Variants in GLDC observed in about 807,000 individuals in gnomAD.
The protein encoded by GLDC is glycine decarboxylase.
A neutral mutation model predicts 121.3 loss-of-function variants in GLDC; 104 were observed. That is an observed-to-expected ratio of 0.86 (90% CI 0.73 to 1.01). The LOEUF is 1.01. GLDC is among the 50% of genes least tolerant of loss of function. The pLI is 0.00. For synonymous variants in GLDC, 546 were observed against 480.6 expected, an observed-to-expected ratio of 1.14 and a Z score of -1.78; for missense variants, 1,429 against 1,306.6, an observed-to-expected ratio of 1.09 and a Z score of -1.44.
In GLDC at chr9:6,555,243, G is replaced by A. The variant is rs1029238907; in HGVS notation, c.2203-462C>T. On this transcript the variant is annotated intron_variant, in intron 18 of 24. Transcript: ENST00000321612. ...CACAGTGATGGAAGGGGCTGCGGGG[G>A]CACCAGGGAGGAGGCTGAACTGAGA... 2.6e-5 allele frequency among the ~76,000 whole-genome samples: 4 copies of A among 152,152 alleles called. No homozygotes were observed. The South Asian group carries it at 8.3e-4, about 32-fold the overall frequency.
At chr9:6,533,806 C>T (rs1459372174) in intron 24 of GLDC, among the ~76,000 whole-genome samples, 3 of 149,404 alleles carry the variant, frequency 2.0e-5, no homozygotes, top group Non-Finnish European at 4.4e-5. Flanking sequence ...TGTGGTGAGC[C>T]GAGATGGTGC....
rs1275195194 is a variant in GLDC at position 6,604,792 on chromosome 9, G to A, written c.862-8C>T. On this transcript the variant is annotated splice_region_variant and splice_polypyrimidine_tract_variant and intron_variant, in intron 6 of 24. Coordinates refer to ENST00000321612, the MANE Select transcript of GLDC (RefSeq NM_000170.3). ...AGCACAGCAGGCCAGGCTCTAGAAA[G>A]GAAGTGAGAGAAAAGGAACAAGGTT... The A allele has an allele frequency of 1.9e-6, 3 of 1,611,512 alleles. No individual in the cohort carries two copies. The highest frequency in any genetic ancestry group is 1.3e-5 in the African/African-American group (1 of 74,886).
chr9:6,547,430 G>T (rs936849778), intron 21 of GLDC, among the ~76,000 whole-genome samples: 7 of 152,048 alleles, frequency 4.6e-5, no homozygotes. Context: ...TATCAAATTG[G>T]CCATGATATA....
chr9:6,622,984 G>T lies in GLDC; in HGVS notation c.335-2665C>A, dbSNP rs1006188888. ...CTCCGCCCGGCAGCCACCCCGTCCG[G>T]GAGGGAGGTGGGGGGTCAGCCCCTG... On this transcript the variant is annotated intron_variant, in intron 2 of 24. Coordinates refer to ENST00000321612, the MANE Select transcript of GLDC (RefSeq NM_000170.3). 7.4e-4 allele frequency: 141 copies of T among 189,690 alleles called. 2 individuals carry two copies. The Middle Eastern group carries it at 8.0e-3, about 11-fold the overall frequency. The allele number at this position is 189,690 out of a possible 1,614,324, so 11.8% of individuals were successfully genotyped here.
At chr9:6,536,344 A>T in intron 22 of GLDC, 108 bp from the exon 23 acceptor site, 1 of 986,928 alleles carries the variant, frequency 1.0e-6, no homozygotes, top group East Asian at 2.6e-5. Flanking sequence ...AAATCATCAG[A>T]TACATTTGCA....
intron 18 of GLDC, among the ~76,000 whole-genome samples, chr9:6,555,388 T>C (rs1279053403): frequency 6.6e-6 from 1 of 152,068 alleles, no homozygotes; most frequent in Non-Finnish European, 1.5e-5. Flanking sequence ...AGGTACAGAA[T>C]TCATTTATGC....
intron 8 of GLDC, among the ~76,000 whole-genome samples, chr9:6,599,108 C>T (rs1041325150): frequency 4.6e-5 from 7 of 150,698 alleles, no homozygotes; most frequent in Admixed American, 1.3e-4. Flanking sequence ...CGCTTGAACC[C>T]GGAAGACGGA....
intron 8 of GLDC, 58 bp downstream of exon 8, chr9:6,602,039 ATGAATGAATGAG>A (rs1335917629): frequency 1.1e-6 from 1 of 935,480 alleles, no homozygotes; most frequent in African/African-American, 1.6e-5. Context: ...GAACAAATGA[ATGAATGAATGAG>A]TAGCTCATTT....
intron 16 of GLDC, among the ~76,000 whole-genome samples, chr9:6,561,692 C>T (rs1323817977): frequency 2.6e-5 from 4 of 152,032 alleles, no homozygotes; most frequent in Admixed American, 1.3e-4. Context: ...GGAAGTAACA[C>T]GACCCAGATT....
At chr9:6,544,350 A>C (rs1344905380) in intron 21 of GLDC, among the ~76,000 whole-genome samples, 1 of 152,150 alleles carries the variant, frequency 6.6e-6, no homozygotes, top group Non-Finnish European at 1.5e-5. Context: ...GCCACCTGGA[A>C]ACCTCCGCAG....
At chr9:6,622,390 C>T (rs957102769) in intron 2 of GLDC, among the ~76,000 whole-genome samples, 2 of 149,320 alleles carry the variant, frequency 1.3e-5, no homozygotes, top group African/African-American at 5.0e-5. Flanking sequence ...TGCAGGCACG[C>T]GCCGCCACGC....
chr9:6,610,631 C>A (rs149246706), intron 3 of GLDC, among the ~76,000 whole-genome samples: 1 of 152,116 alleles, frequency 6.6e-6, no homozygotes, highest in African/African-American at 2.4e-5. Flanking sequence ...GACAGGGTCT[C>A]GCTCTGTCAC....
At chr9:6,546,479 C>T (rs1817391532) in intron 21 of GLDC, among the ~76,000 whole-genome samples, 1 of 151,292 alleles carries the variant, frequency 6.6e-6, no homozygotes. Flanking sequence ...GGATTGCAGG[C>T]ATGAGCCACA....
At chr9:6,622,159 GACACACAC>G (rs60752054) in intron 2 of GLDC, among the ~76,000 whole-genome samples, 5,339 of 145,410 alleles carry the variant, frequency 0.037, 284 homozygotes, top group African/African-American at 0.12. Flanking sequence ...CACACACACA[GACACACAC>G]ACACACACAC....
At chr9:6,608,709 G>A (rs1004226657) in intron 4 of GLDC, among the ~76,000 whole-genome samples, 2 of 152,104 alleles carry the variant, frequency 1.3e-5, no homozygotes, top group African/African-American at 4.8e-5. Flanking sequence ...TCACGCCACT[G>A]TACTCCAGCC....
chr9:6,622,582 C>T (rs565785096), intron 2 of GLDC, among the ~76,000 whole-genome samples: 265 of 152,216 alleles, frequency 1.7e-3, no homozygotes, highest in African/African-American at 5.9e-3. Context: ...GGCGTGATCT[C>T]GGCTCGCTAC....
intron 2 of GLDC, among the ~76,000 whole-genome samples, chr9:6,638,739 G>A (rs760759488): frequency 6.6e-6 from 1 of 152,066 alleles, no homozygotes; most frequent in Non-Finnish European, 1.5e-5. Context: ...CACTGGGCAC[G>A]GTGGCTCCCG....
intron 3 of GLDC, among the ~76,000 whole-genome samples, chr9:6,619,815 A>C (rs1425861723): frequency 6.6e-6 from 1 of 152,222 alleles, no homozygotes; most frequent in Non-Finnish European, 1.5e-5. Context: ...GAGATAGCTC[A>C]GAAGTAGCCT....
intron 14 of GLDC, 50 bp from the exon 15 acceptor site, chr9:6,587,333 A>G (rs1201904267): frequency 2.3e-6 from 3 of 1,307,390 alleles, no homozygotes; most frequent in African/African-American, 1.5e-5. Context: ...TAATAGCAAT[A>G]GCAATAATAA....
Sources: gnomAD v4.1 joint callset for allele counts (sites outside exome capture counted in the v4.1 genomes callset) on GRCh38, gnomAD v4.1.1 for gene constraint, MANE v1.5 for transcripts, NCBI Gene and HGNC (gene_info 2026-07-23, HGNC 2026-07-21) for gene names.